The following CDH6 variants were observed in gnomAD, a reference collection of about 807,000 sequenced individuals.
The protein encoded by CDH6 is cadherin-6.
CDH6 carries 31 observed loss-of-function variants against 78.0 expected under a neutral mutation model. The ratio of observed to expected loss-of-function variants is 0.40; its 90% CI spans 0.30 to 0.54. The LOEUF is 0.54. CDH6 is among the 20% of genes least tolerant of loss of function. The pLI is 0.56. For missense variants in CDH6, 724 were observed against 975.9 expected (o/e 0.74, Z 3.44); for synonymous variants, 376 against 368.8 (o/e 1.02, Z -0.23).
chr5:31,285,480 C>CT (rs1445481517), intron 2 of CDH6, among the ~76,000 whole-genome samples: 2 of 152,150 alleles, frequency 1.3e-5, no homozygotes, highest in African/African-American at 4.8e-5. Context: ...CTAATTTCTG[C>CT]TTTTTTCTGT....
intron 1 of CDH6, among the ~76,000 whole-genome samples, chr5:31,231,961 T>C (rs1057120796): frequency 2.0e-5 from 3 of 152,214 alleles, no homozygotes; most frequent in African/African-American, 7.2e-5. Context: ...ATAATTATGT[T>C]TCTTTTCAAA....
At chr5:31,296,940 T>C (rs981853110) in intron 3 of CDH6, among the ~76,000 whole-genome samples, 1 of 152,136 alleles carries the variant, frequency 6.6e-6, no homozygotes, top group Non-Finnish European at 1.5e-5. Flanking sequence ...AACTAATTCC[T>C]GTGGACAAAG....
At position 31,193,886 on chromosome 5, in the gene CDH6, G is replaced by C. The variant is rs1579799516; in HGVS notation, c.-129G>C. On this transcript the variant is annotated splice_region_variant and 5_prime_UTR_variant, in exon 1 of 12. Transcript: ENST00000265071. ...CCGCGGGCGCAGGAAGGCGAGCAGA[G>C]GTGGGTTCGGGCTCCGTTGGCTATG... The C allele has an allele frequency of 6.5e-6, 1 of 153,408 alleles. No homozygotes were observed. The highest frequency in any genetic ancestry group is 1.5e-5 in the Non-Finnish European group (1 of 68,438). 9.5% of individuals were successfully genotyped at this position (153,408 alleles called of 1,614,324 possible).
chr5:31,232,458 A>C (rs1241543183), intron 1 of CDH6, among the ~76,000 whole-genome samples: 1 of 152,164 alleles, frequency 6.6e-6, no homozygotes, highest in Admixed American at 6.5e-5. Flanking sequence ...CAGGCTTTGG[A>C]GGAATCTTAG....
chr5:31,237,076 T>C (rs1741473551), intron 1 of CDH6, among the ~76,000 whole-genome samples: 1 of 152,192 alleles, frequency 6.6e-6, no homozygotes, highest in Non-Finnish European at 1.5e-5. Flanking sequence ...TAAGAATGAA[T>C]GAATCCATTT....
chr5:31,302,198 A>G lies in CDH6; in HGVS notation c.899A>G (p.Asn300Ser). The G allele has an allele frequency of 6.2e-7, 1 of 1,614,080 alleles. No homozygotes were observed. The highest frequency in any genetic ancestry group is 8.5e-7 in the Non-Finnish European group (1 of 1,179,932). The part of the protein sequence containing the change: ...IKASDADVGE[N>S]AEIEYSITDG... ...GCCAGCGACGCTGATGTGGGAGAAAATGCTGAAATTGAGTACAGCATCACA... is the reference window on the plus strand; with the variant it reads ...GCCAGCGACGCTGATGTGGGAGAAAGTGCTGAAATTGAGTACAGCATCACA... Residue 300 changes from asparagine to serine, a missense_variant, in exon 6 of 12, where the codon AAT becomes AGT. Asn to Ser is a conservative substitution (Grantham distance 46, BLOSUM62 1). Around this residue, in one of 3 missense-constraint regions of CDH6, gnomAD observed 446 missense variants for 684.5 expected, o/e 0.65. Transcript: ENST00000265071.
chr5:31,280,171 G>T (rs139585686), intron 2 of CDH6, among the ~76,000 whole-genome samples: 87 of 152,294 alleles, frequency 5.7e-4, no homozygotes, highest in Middle Eastern at 6.8e-3. Context: ...AGAGAAAAGA[G>T]AATTCAACAC....
intron 1 of CDH6, among the ~76,000 whole-genome samples, chr5:31,231,185 T>A (rs1237051374): frequency 6.6e-6 from 1 of 152,222 alleles, no homozygotes; most frequent in African/African-American, 2.4e-5. Context: ...TTACTCACGA[T>A]GCAATTAAAA....
At chr5:31,302,393 C>A in intron 6 of CDH6, 95 bp downstream of exon 6, 2 of 902,808 alleles carry the variant, frequency 2.2e-6, no homozygotes, top group Non-Finnish European at 3.3e-6. Context: ...CATAAACATT[C>A]CTTTAGATTT....
intron 1 of CDH6, chr5:31,249,149 T>A (rs1034340261): frequency 3.9e-5 from 6 of 152,246 alleles, no homozygotes; most frequent in Non-Finnish European, 7.3e-5. Flanking sequence ...ATATATTTTT[T>A]AAATAAATTT....
At chr5:31,314,323 C>T (rs986260750) in intron 8 of CDH6, among the ~76,000 whole-genome samples, 3 of 133,130 alleles carry the variant, frequency 2.3e-5, no homozygotes, top group South Asian at 2.6e-4. Flanking sequence ...CAACAGGCCC[C>T]GGTTAAAATA....
At chr5:31,244,219 A>C (rs1579845830) in intron 1 of CDH6, among the ~76,000 whole-genome samples, 1 of 152,224 alleles carries the variant, frequency 6.6e-6, no homozygotes, top group African/African-American at 2.4e-5. Flanking sequence ...TTATCAAGAC[A>C]ATGTAGACAA....
Position 31,322,824 on chromosome 5 carries a change from T to C in CDH6, c.1889T>C (p.Val630Ala), listed in dbSNP as rs1446528180. Residue 630 changes from valine to alanine, a missense_variant, in exon 12 of 12, where the codon GTG (valine) becomes GCG (alanine). Physicochemically the swap from Val to Ala is moderately conservative, Grantham distance 64 (BLOSUM62 0). Transcript: ENST00000265071. ...TTTTGTTTTCTGCTTCCAGTGACAGTGGTGCTGTTTGCAGCTCTGAGGCGG... is the reference window on the plus strand; with the variant it reads ...TTTTGTTTTCTGCTTCCAGTGACAGCGGTGCTGTTTGCAGCTCTGAGGCGG... ...LLCIVILLVT[V>A]VLFAALRRQR... 1 of 1,611,378 alleles carries C rather than the reference T, an allele frequency of 6.2e-7. No individual in the cohort carries two copies. The highest frequency in any genetic ancestry group is 8.5e-7 in the Non-Finnish European group (1 of 1,178,054).
intron 7 of CDH6, among the ~76,000 whole-genome samples, chr5:31,305,879 A>G (rs1331381966): frequency 1.3e-5 from 2 of 151,946 alleles, no homozygotes; most frequent in Non-Finnish European, 2.9e-5. Flanking sequence ...TTTTATTTCC[A>G]GTTGGTTGAA....
intron 7 of CDH6, among the ~76,000 whole-genome samples, chr5:31,308,241 A>G (rs1282583595): frequency 6.6e-6 from 1 of 152,120 alleles, no homozygotes; most frequent in African/African-American, 2.4e-5. Flanking sequence ...ACATAAAATT[A>G]TTTTCTTCTA....
intron 7 of CDH6, among the ~76,000 whole-genome samples, chr5:31,310,352 G>A (rs1197334449): frequency 6.6e-6 from 1 of 152,232 alleles, no homozygotes; most frequent in Non-Finnish European, 1.5e-5. Context: ...ATGGCCTTGG[G>A]CAGCTCCATT....
chr5:31,275,794 G>T lies in CDH6; in HGVS notation c.228+8093G>T, dbSNP rs143837882. On this transcript the variant is annotated intron_variant, in intron 2 of 11. Transcript: ENST00000265071. ...GCATCAGTAGATTCCTAAACCATGG[G>T]TGTTTTTCATTTCCATTGATATGAA... 5.9e-3 allele frequency among the ~76,000 whole-genome samples: 892 copies of T among 152,226 alleles called. 8 individuals carry two copies. The highest frequency in any genetic ancestry group is 0.021 in the African/African-American group (854 of 41,520).
intron 1 of CDH6, among the ~76,000 whole-genome samples, chr5:31,197,686 T>A (rs940950678): frequency 1.3e-5 from 2 of 152,106 alleles, no homozygotes; most frequent in Non-Finnish European, 2.9e-5. Context: ...GTTGTGACAA[T>A]GTTCCAAGAA....
Position 31,325,321 on chromosome 5 carries a change from TACACAC to T in CDH6, c.*2042_*2047del, listed in dbSNP as rs3840334. 0.049 allele frequency: 10,795 copies of T among 218,144 alleles called. 51 individuals carry two copies. Among genetic ancestry groups the T allele is most frequent in the Middle Eastern group, 0.073 (52 of 716 alleles). 13.5% of individuals were successfully genotyped at this position (218,144 alleles called of 1,614,324 possible). A position where few individuals can be genotyped will look rare whatever the true frequency, so the allele number is the denominator to read the frequency against. ...TTTTCTAGTTCTTCATACACACACA[TACACAC>T]ACACACACACACACACACACACACA... On this transcript the variant is annotated 3_prime_UTR_variant, in exon 12 of 12. Coordinates refer to ENST00000265071, the MANE Select transcript of CDH6 (RefSeq NM_004932.4).
Sources: allele counts gnomAD v4.1 joint callset (sites outside exome capture counted in the v4.1 genomes callset), GRCh38; gene constraint gnomAD v4.1.1; regional missense constraint gnomAD v4.1.1; transcripts MANE v1.5; gene names NCBI Gene and HGNC (gene_info 2026-07-23, HGNC 2026-07-21).